Variants in CCDC195 observed in about 807,000 individuals in gnomAD.
The protein encoded by CCDC195 is coiled-coil domain containing 195.
chr2:224,709,701 G>T (rs1253247723), intron 2 of CCDC195, among the ~76,000 whole-genome samples: 1 of 152,154 alleles, frequency 6.6e-6, no homozygotes, highest in Non-Finnish European at 1.5e-5. Flanking sequence ...TGTATCACCA[G>T]TGCCTGGCTT....
At chr2:224,709,047 TC>T (rs1689271790) in intron 2 of CCDC195, among the ~76,000 whole-genome samples, 1 of 151,680 alleles carries the variant, frequency 6.6e-6, no homozygotes, top group African/African-American at 2.4e-5. Flanking sequence ...GACCCTGGCT[TC>T]TTTTTCTTTT....
intron 2 of CCDC195, among the ~76,000 whole-genome samples, chr2:224,709,444 G>A (rs1689280518): frequency 6.6e-6 from 1 of 152,002 alleles, no homozygotes; most frequent in Non-Finnish European, 1.5e-5. Flanking sequence ...GAGCAAATTG[G>A]TTTTCTCTTT....
intron 2 of CCDC195, among the ~76,000 whole-genome samples, chr2:224,704,388 T>A (rs183690578): frequency 1.6e-4 from 25 of 152,274 alleles, no homozygotes; most frequent in African/African-American, 5.8e-4. Context: ...TTTGCCTACT[T>A]CTCCTTTTAC....
intron 2 of CCDC195, among the ~76,000 whole-genome samples, chr2:224,708,574 A>C (rs527816806): frequency 6.6e-6 from 1 of 152,262 alleles, no homozygotes; most frequent in African/African-American, 2.4e-5. Flanking sequence ...AGGGAAACAC[A>C]ATTTTCATCC....
intron 1 of CCDC195, among the ~76,000 whole-genome samples, chr2:224,712,961 C>G (rs539454611): frequency 3.9e-5 from 6 of 151,984 alleles, no homozygotes; most frequent in African/African-American, 1.5e-4. Context: ...TTCCGCCTCC[C>G]GGGTTCAAGC....
intron 1 of CCDC195, among the ~76,000 whole-genome samples, chr2:224,710,508 G>A (rs1446264433): frequency 6.6e-6 from 1 of 152,072 alleles, no homozygotes; most frequent in Non-Finnish European, 1.5e-5. Context: ...CGTGGTGGCG[G>A]GCACCTGTAG....
chr2:224,715,857 A>G (rs781011611), intron 1 of CCDC195, among the ~76,000 whole-genome samples: 2 of 152,200 alleles, frequency 1.3e-5, no homozygotes, highest in Non-Finnish European at 2.9e-5. Flanking sequence ...AAAAGACCAC[A>G]TTGTTCCTAG....
chr2:224,706,189 C>CTTTTTT (rs201012911), intron 2 of CCDC195, among the ~76,000 whole-genome samples: 1,208 of 33,362 alleles, frequency 0.036, 455 homozygotes, highest in Admixed American at 0.043. Context: ...TATTTTGTAA[C>CTTTTTT]TTTTTTTTTT....
chr2:224,711,176 T>C (rs1010268561), intron 1 of CCDC195, among the ~76,000 whole-genome samples: 6 of 152,140 alleles, frequency 3.9e-5, no homozygotes, highest in African/African-American at 1.4e-4. Flanking sequence ...AGGATGTCTA[T>C]TGAGTGAGAG....
intron 2 of CCDC195, among the ~76,000 whole-genome samples, chr2:224,706,404 C>T (rs1697241141): frequency 1.3e-5 from 2 of 150,916 alleles, no homozygotes; most frequent in African/African-American, 4.9e-5. Flanking sequence ...GGGGTTTCAC[C>T]ATATTGGTCA....
At chr2:224,713,701 C>T (rs11688359) in intron 1 of CCDC195, among the ~76,000 whole-genome samples, 4,657 of 152,116 alleles carry the variant, frequency 0.031, 109 homozygotes, top group Non-Finnish European at 0.042. Flanking sequence ...TAAAGTAACT[C>T]AACAGGACTC....
At chr2:224,708,733 C>T (rs1015150373) in intron 2 of CCDC195, among the ~76,000 whole-genome samples, 2 of 152,158 alleles carry the variant, frequency 1.3e-5, no homozygotes, top group Admixed American at 6.5e-5. Flanking sequence ...CTGCTGAGTT[C>T]GATGGTGCTC....
At chr2:224,708,108 GC>G (rs1689250369) in intron 2 of CCDC195, among the ~76,000 whole-genome samples, 1 of 151,178 alleles carries the variant, frequency 6.6e-6, no homozygotes, top group Non-Finnish European at 1.5e-5. Flanking sequence ...GCCCACCTCA[GC>G]CTCCAAAAGT....
At chr2:224,710,427 G>C (rs1689301485) in intron 1 of CCDC195, among the ~76,000 whole-genome samples, 1 of 152,218 alleles carries the variant, frequency 6.6e-6, no homozygotes, top group African/African-American at 2.4e-5. Context: ...TGGATCACAA[G>C]GTCAGGCGAT....
In CCDC195 at chr2:224,709,170, C is replaced by T. The variant is rs1379009942; in HGVS notation, c.482+803G>A. ...GTGGTACTATCTCGGCTCACTGCAACCTCTGCCTCCCAGGTTCAAGTGATT... is the reference window on the plus strand; with the variant it reads ...GTGGTACTATCTCGGCTCACTGCAATCTCTGCCTCCCAGGTTCAAGTGATT... On this transcript the variant is annotated intron_variant, in intron 2 of 2. Transcript: ENST00000638102. 3.4e-5 allele frequency among the ~76,000 whole-genome samples: 5 copies of T among 146,032 alleles called. No homozygotes were observed. In the East Asian group the frequency reaches 8.5e-4, roughly 25 times the overall value.
chr2:224,706,791 T>G lies in CCDC195; in HGVS notation c.483-2904A>C, dbSNP rs546442412. ...TCCCAAAGTGCTGGGATTACAGGCA[T>G]GAGCCACCGCGACCGACACCTGGCT... On this transcript the variant is annotated intron_variant, in intron 2 of 2. Transcript: ENST00000638102. Among the ~76,000 whole-genome samples, 177 of 151,008 alleles carry G rather than the reference T, an allele frequency of 1.2e-3. 2 individuals are homozygous for G. Among genetic ancestry groups the G allele is most frequent in the Non-Finnish European group, 1.8e-3 (122 of 67,698 alleles).
intron 1 of CCDC195, 23 bp downstream of exon 1, chr2:224,716,108 A>G (rs1359964765): frequency 5.0e-6 from 2 of 398,378 alleles, no homozygotes; most frequent in African/African-American, 4.1e-5. Context: ...CACAGCCCAC[A>G]AGAGCTCAGA....
chr2:224,714,813 G>T (rs1402640012), intron 1 of CCDC195, among the ~76,000 whole-genome samples: 3 of 152,116 alleles, frequency 2.0e-5, no homozygotes, highest in Non-Finnish European at 4.4e-5. Flanking sequence ...ACCTGGATTG[G>T]AATCTGTTTT....
chr2:224,715,349 C>T (rs1689365939), intron 1 of CCDC195, among the ~76,000 whole-genome samples: 1 of 151,942 alleles, frequency 6.6e-6, no homozygotes, highest in African/African-American at 2.4e-5. Flanking sequence ...GATTTCTGAC[C>T]CCATGTGTAA....
Sources: gnomAD v4.1 joint callset for allele counts (sites outside exome capture counted in the v4.1 genomes callset) on GRCh38, gnomAD v4.1.1 for gene constraint, MANE v1.5 for transcripts, NCBI Gene and HGNC (gene_info 2026-07-23, HGNC 2026-07-21) for gene names.